Variants in KICS2 observed in about 807,000 individuals in gnomAD.
KICS2 encodes the protein KICSTOR complex protein C12orf66.
Under a neutral mutation model 31.4 loss-of-function variants are expected in KICS2, and 13 were observed. The observed-to-expected ratio is 0.41, with a 90% CI of 0.27 to 0.66. The LOEUF is 0.66. Among genes scored for constraint, KICS2 ranks in the 30% least tolerant of loss-of-function variants. KICS2 has a pLI of 0.28. For missense variants in KICS2, 455 were observed against 545.4 expected, an observed-to-expected ratio of 0.83 and a Z score of 1.65; for synonymous variants, 209 against 214.8, an observed-to-expected ratio of 0.97 and a Z score of 0.24.
chr12:64,212,203 A>G (rs2037588578), intron 2 of KICS2, among the ~76,000 whole-genome samples: 1 of 152,182 alleles, frequency 6.6e-6, no homozygotes, highest in South Asian at 2.1e-4. Context: ...TGTACAATTC[A>G]ATGGTTTTAA....
chr12:64,193,817 G>A lies in KICS2; in HGVS notation c.*25C>T, dbSNP rs1399411663. On this transcript the variant is annotated 3_prime_UTR_variant, in exon 3 of 3. Transcript: ENST00000398055. ...GCAATTAAGAACAGTTTCTAGTCTT[G>A]AAACCCCTCCACGCAAATCACCTGC... The A allele has an allele frequency of 6.3e-7, 1 of 1,592,324 alleles. No individual in the cohort carries two copies. Among genetic ancestry groups the A allele is most frequent in the African/African-American group, 1.3e-5 (1 of 74,296 alleles).
Position 64,222,091 on chromosome 12 carries a change from G to GCCC in KICS2, c.144_146dup (p.Gly49dup). 6.2e-7 allele frequency: 1 copy of GCCC among 1,613,976 alleles called. No individual in the cohort carries two copies. The highest frequency in any genetic ancestry group is 8.5e-7 in the Non-Finnish European group (1 of 1,179,926). On this transcript the variant is annotated inframe_insertion, in exon 1 of 3. Transcript: ENST00000398055. ...AGGCCGCCAGCAGCGACAGCCAGCTGCCCCCCGCGCTCTTGTTGGCCTCTC... is the reference window on the plus strand; with the variant it reads ...AGGCCGCCAGCAGCGACAGCCAGCTGCCCCCCCCCGCGCTCTTGTTGGCCTCTC...
chr12:64,211,344 C>T (rs182909707), intron 2 of KICS2, among the ~76,000 whole-genome samples: 18 of 152,240 alleles, frequency 1.2e-4, no homozygotes, highest in Non-Finnish European at 2.1e-4. Flanking sequence ...TTAGGCCGGG[C>T]GCAGTGGCTC....
chr12:64,201,967 T>G (rs2037494411), intron 2 of KICS2, among the ~76,000 whole-genome samples: 1 of 152,240 alleles, frequency 6.6e-6, no homozygotes, highest in Non-Finnish European at 1.5e-5. Flanking sequence ...CACTGAATAA[T>G]GTAGTCCCTT....
intron 2 of KICS2, among the ~76,000 whole-genome samples, chr12:64,200,856 GCTC>G (rs2037481264): frequency 1.1e-5 from 1 of 89,590 alleles, no homozygotes; most frequent in Admixed American, 1.2e-4. Context: ...ATGAAAAAAT[GCTC>G]ATCATCACTG....
chr12:64,201,620 A>G (rs1301957724), intron 2 of KICS2, among the ~76,000 whole-genome samples: 17 of 22,190 alleles, frequency 7.7e-4, no homozygotes, highest in African/African-American at 2.5e-3. Flanking sequence ...AAAAAAAAAG[A>G]AAAAAAAAAA....
chr12:64,201,254 A>T (rs2037484925), intron 2 of KICS2, among the ~76,000 whole-genome samples: 1 of 135,668 alleles, frequency 7.4e-6, no homozygotes, highest in Admixed American at 7.5e-5. Flanking sequence ...GCACATATAC[A>T]CCATGGAATA....
At chr12:64,217,861 G>GAAAGA (rs139652211) in intron 1 of KICS2, among the ~76,000 whole-genome samples, 5 of 148,480 alleles carry the variant, frequency 3.4e-5, no homozygotes, top group South Asian at 2.2e-4. Context: ...AAAAGGAAAG[G>GAAAGA]AAAGAAAAGA....
intron 2 of KICS2, among the ~76,000 whole-genome samples, chr12:64,198,991 A>C (rs1412612380): frequency 6.9e-6 from 1 of 144,550 alleles, no homozygotes; most frequent in African/African-American, 2.6e-5. Flanking sequence ...GTCCAGGACC[A>C]GATGGATTCA....
chr12:64,193,748 G>T lies in KICS2; in HGVS notation c.*94C>A. ...TTTAATTTAGTTCTGAAAGAGGCAT[G>T]AATGGATGTAAACTCTATTCACAGA... is the stretch of plus-strand genomic sequence containing the variant. On this transcript the variant is annotated 3_prime_UTR_variant, in exon 3 of 3. Transcript: ENST00000398055. The T allele has an allele frequency of 6.8e-7, 1 of 1,465,140 alleles. No homozygotes were observed. Among genetic ancestry groups the T allele is most frequent in the Admixed American group, 2.7e-5 (1 of 37,470 alleles). The allele number at this position is 1,465,140 out of a possible 1,614,324, so 90.8% of individuals were successfully genotyped here.
chr12:64,196,347 C>G (rs1464195656), intron 2 of KICS2, among the ~76,000 whole-genome samples: 4 of 151,634 alleles, frequency 2.6e-5, no homozygotes, highest in African/African-American at 9.8e-5. Flanking sequence ...CAGACTGACA[C>G]CTCACACGGC....
intron 2 of KICS2, among the ~76,000 whole-genome samples, chr12:64,205,720 G>C (rs922500223): frequency 1.5e-5 from 2 of 129,068 alleles, no homozygotes; most frequent in Non-Finnish European, 3.4e-5. Context: ...AAGGAAGGGA[G>C]GGAGGGAGGA....
At chr12:64,214,743 T>C (rs1482695106) in intron 2 of KICS2, among the ~76,000 whole-genome samples, 1 of 151,980 alleles carries the variant, frequency 6.6e-6, no homozygotes, top group Non-Finnish European at 1.5e-5. Flanking sequence ...TAGCCAGGCA[T>C]AGTGGCATGT....
In KICS2 at chr12:64,215,863, A is replaced by C; in HGVS notation, c.336T>G (p.Gly112=). The part of the protein sequence containing the change: ...KKVVTGRGAL[G]GTAPHVEELL... ...GTTCTTCCACGTGAGGAGCAGTCCC[A>C]CCCAGGGCACCACGGCCAGTCACCA... The change falls in exon 2 of 3, where the codon GGT becomes GGG. Residue 112 remains glycine, a synonymous_variant. Coordinates refer to ENST00000398055, the MANE Select transcript of KICS2 (RefSeq NM_152440.5). 1 of 1,613,818 alleles carries C rather than the reference A, an allele frequency of 6.2e-7. No homozygotes were observed. Among genetic ancestry groups the C allele is most frequent in the South Asian group, 1.1e-5 (1 of 90,980 alleles).
chr12:64,203,047 G>A lies in KICS2; in HGVS notation c.522-8389C>T, dbSNP rs1339751328. Among the ~76,000 whole-genome samples, 3 of 152,008 alleles carry A rather than the reference G, an allele frequency of 2.0e-5. No homozygotes were observed. In the East Asian group the frequency reaches 5.8e-4, roughly 29 times the overall value. ...TTCTTAATACCTCTCTCCCACTTTA[G>A]TAGTTTGACCATACAATTTCTCAGG... On this transcript the variant is annotated intron_variant, in intron 2 of 2. Transcript: ENST00000398055.
chr12:64,219,359 C>T (rs1390835982), intron 1 of KICS2, among the ~76,000 whole-genome samples: 2 of 152,114 alleles, frequency 1.3e-5, no homozygotes, highest in Non-Finnish European at 2.9e-5. Flanking sequence ...AATCACTGAT[C>T]CTTCCCCAAA....
downstream of KICS2, among the ~76,000 whole-genome samples, chr12:64,188,904 C>T (rs954302949): frequency 6.6e-5 from 10 of 152,080 alleles, no homozygotes; most frequent in Admixed American, 5.9e-4. Context: ...CCTGTAATCC[C>T]AGCACTTTGG....
At position 64,192,627 on chromosome 12, in the gene KICS2, G is replaced by A. The variant is rs1472862971; in HGVS notation, c.*1215C>T. 11 of 985,396 alleles carry A rather than the reference G, an allele frequency of 1.1e-5. No homozygotes were observed. Among genetic ancestry groups the A allele is most frequent in the Non-Finnish European group, 1.3e-5 (11 of 829,924 alleles). The allele number at this position is 985,396 out of a possible 1,614,324, so 61.0% of individuals were successfully genotyped here. ...AAGCTTCAAAGGAACCATCAAACCA[G>A]TAACAACTCAATTACTCTTTGTGGC... On this transcript the variant is annotated 3_prime_UTR_variant, in exon 3 of 3. Transcript: ENST00000398055.
In KICS2 at chr12:64,218,947, G is replaced by A. The variant is rs374558279; in HGVS notation, c.236-2984C>T. Among the ~76,000 whole-genome samples the A allele has an allele frequency of 2.8e-3, 429 of 152,234 alleles. 2 individuals carry two copies. The highest frequency in any genetic ancestry group is 9.9e-3 in the African/African-American group (412 of 41,530). On this transcript the variant is annotated intron_variant, in intron 1 of 2. Transcript: ENST00000398055. ...TCCTATCTGTTCACTATCTTGGTTT[G>A]GAATATCCAGCGGGGACTGACCTTT...
Sources: allele counts gnomAD v4.1 joint callset (sites outside exome capture counted in the v4.1 genomes callset), GRCh38; gene constraint gnomAD v4.1.1; transcripts MANE v1.5; gene names NCBI Gene and HGNC (gene_info 2026-07-23, HGNC 2026-07-21).